Variants in DRC8 observed in about 807,000 individuals in gnomAD.
DRC8 encodes the protein dynein regulatory complex subunit 8.
At chr1:245,017,187 T>A in the DRC8 span, 1 of 1,525,978 alleles carries the variant, frequency 6.6e-7, no homozygotes, top group Non-Finnish European at 8.9e-7. Context: ...TTAGAATTTT[T>A]GTTTTGAATT....
At chr1:244,987,603 C>G in the DRC8 span, among the ~76,000 whole-genome samples, 1 of 151,068 alleles carries the variant, frequency 6.6e-6, no homozygotes. Flanking sequence ...CCTCTCTCCC[C>G]TGACCCCCCC....
chr1:245,121,811 C>T, the DRC8 span: 1 of 381,932 alleles, frequency 2.6e-6, no homozygotes, highest in Non-Finnish European at 5.0e-6. Context: ...AAAATTCCCT[C>T]AGCAGCCTCA....
At chr1:244,976,001 G>A in the DRC8 span, among the ~76,000 whole-genome samples, 425 of 152,238 alleles carry the variant, frequency 2.8e-3, 1 homozygote, top group South Asian at 0.012. Flanking sequence ...AGGCGTGGTG[G>A]CTCCTGCTTG....
the DRC8 span, among the ~76,000 whole-genome samples, chr1:245,078,267 C>CG: frequency 6.6e-6 from 1 of 152,064 alleles, no homozygotes; most frequent in African/African-American, 2.4e-5. Context: ...GAAAACAGTA[C>CG]GGGGGTTTCT....
chr1:245,035,382 C>T, the DRC8 span, among the ~76,000 whole-genome samples: 1 of 137,668 alleles, frequency 7.3e-6, no homozygotes, highest in African/African-American at 2.9e-5. Flanking sequence ...ACACATGCAT[C>T]AGTGGAATAG....
At chr1:245,073,382 C>T in the DRC8 span, among the ~76,000 whole-genome samples, 10 of 152,280 alleles carry the variant, frequency 6.6e-5, no homozygotes, top group African/African-American at 2.2e-4. Flanking sequence ...GTGATCTGGC[C>T]ACCTCGGCCT....
At chr1:245,097,078 G>C in the DRC8 span, among the ~76,000 whole-genome samples, 1 of 152,148 alleles carries the variant, frequency 6.6e-6, no homozygotes, top group Non-Finnish European at 1.5e-5. This position sits in a 1 kb window ranked among gnomAD's most constrained non-coding sequence, Gnocchi z 5.0. Context: ...ACGAGGTTGG[G>C]TACAGGTATT....
chr1:245,083,752 A>T, the DRC8 span: 2 of 1,542,486 alleles, frequency 1.3e-6, no homozygotes, highest in African/African-American at 1.4e-5. Flanking sequence ...GTTAACAGTT[A>T]TGCGAAAGTT....
the DRC8 span, among the ~76,000 whole-genome samples, chr1:245,119,945 A>AT: frequency 3.7e-5 from 4 of 107,592 alleles, no homozygotes; most frequent in Admixed American, 8.6e-5. Flanking sequence ...AAAAAAATAA[A>AT]AAATAAGTAA....
the DRC8 span, among the ~76,000 whole-genome samples, chr1:245,010,677 CTTTCTTTTTT>C: frequency 2.9e-5 from 4 of 137,098 alleles, no homozygotes; most frequent in Non-Finnish European, 6.3e-5. Context: ...ATCCCTTTTT[CTTTCTTTTTT>C]TTTTTTTTTT....
the DRC8 span, among the ~76,000 whole-genome samples, chr1:245,056,886 G>A: frequency 4.5e-5 from 6 of 133,192 alleles, no homozygotes; most frequent in South Asian, 2.4e-4. Flanking sequence ...GCAGTGAGCC[G>A]AGATTGTGCC....
the DRC8 span, among the ~76,000 whole-genome samples, chr1:245,081,761 G>A: frequency 2.0e-5 from 3 of 152,148 alleles, no homozygotes; most frequent in Non-Finnish European, 2.9e-5. Context: ...GAGCCACCAC[G>A]CCCGGCCGAG....
chr1:245,047,761 C>G, the DRC8 span, among the ~76,000 whole-genome samples: 1 of 151,980 alleles, frequency 6.6e-6, no homozygotes, highest in South Asian at 2.1e-4. Context: ...CACTTGAGGT[C>G]AGGAGTTTGA....
At chr1:245,002,272 T>A in the DRC8 span, 1 of 1,517,274 alleles carries the variant, frequency 6.6e-7, no homozygotes, top group African/African-American at 1.4e-5. Flanking sequence ...ACTGTGTCAA[T>A]CGCTTAACCA....
At chr1:244,997,217 C>T in the DRC8 span, among the ~76,000 whole-genome samples, 556 of 152,222 alleles carry the variant, frequency 3.7e-3, 5 homozygotes, top group African/African-American at 0.013. Context: ...TATCCTATCT[C>T]GTTCTTCTAC....
chr1:245,044,523 C>T, the DRC8 span, among the ~76,000 whole-genome samples: 10 of 151,800 alleles, frequency 6.6e-5, no homozygotes, highest in South Asian at 8.3e-4. Context: ...ATTTTTGAGA[C>T]GGAGTCTCAC....
At chr1:244,990,164 T>C in the DRC8 span, among the ~76,000 whole-genome samples, 1 of 152,246 alleles carries the variant, frequency 6.6e-6, no homozygotes, top group Non-Finnish European at 1.5e-5. Flanking sequence ...CATGGTGCTC[T>C]GTGTCATTCA....
chr1:245,037,469 G>A, the DRC8 span, among the ~76,000 whole-genome samples: 1 of 152,134 alleles, frequency 6.6e-6, no homozygotes, highest in South Asian at 2.1e-4. Context: ...TTAAGGACAT[G>A]ATTTCTTAGC....
At chr1:245,097,937 A>G in the DRC8 span, among the ~76,000 whole-genome samples, 1 of 152,228 alleles carries the variant, frequency 6.6e-6, no homozygotes, top group Non-Finnish European at 1.5e-5. This position sits in a 1 kb window ranked among gnomAD's most constrained non-coding sequence, Gnocchi z 5.0. Flanking sequence ...GGCCCCGAGC[A>G]TGAAGGGCCT....
Sources: gnomAD v4.1 joint callset for allele counts (sites outside exome capture counted in the v4.1 genomes callset) on GRCh38, gnomAD v4.1.1 for gene constraint, Gnocchi (gnomAD v3.1) non-coding constraint, MANE v1.5 for transcripts, NCBI Gene and HGNC (gene_info 2026-07-23, HGNC 2026-07-21) for gene names.